TRAPPC3: variants seen among roughly 807,000 people sequenced by gnomAD.
TRAPPC3 encodes the protein trafficking protein particle complex subunit 3.
TRAPPC3 carries 5 observed loss-of-function variants against 18.2 expected under a neutral mutation model. The ratio of observed to expected loss-of-function variants is 0.28; its 90% CI spans 0.14 to 0.58. TRAPPC3 has a LOEUF of 0.58. Among genes scored for constraint, TRAPPC3 ranks in the 20% least tolerant of loss-of-function variants. The probability of loss-of-function intolerance (pLI) is 0.91; values close to 1 mark genes in which losing one functional copy is unlikely to be tolerated. For synonymous variants in TRAPPC3, 65 were observed against 84.2 expected (o/e 0.77, Z 1.25); for missense variants, 176 against 225.9 (o/e 0.78, Z 1.41).
Position 36,136,925 on chromosome 1 carries a change from G to A in TRAPPC3, c.*278C>T, listed in dbSNP as rs1644033422. 3.8e-6 allele frequency: 1 copy of A among 265,974 alleles called. No homozygotes were observed. The highest frequency in any genetic ancestry group is 7.1e-6 in the Non-Finnish European group (1 of 140,192). 16.5% of individuals were successfully genotyped at this position (265,974 alleles called of 1,614,324 possible). ...GCTTTGGAAAAATTCAAACAGGAAT[G>A]TAAAATGGTTTGAGCTCTTTCTAGT... is the stretch of plus-strand genomic sequence containing the variant. On this transcript the variant is annotated 3_prime_UTR_variant, in exon 5 of 5. Coordinates refer to ENST00000373166, the MANE Select transcript of TRAPPC3 (RefSeq NM_014408.5).
upstream of TRAPPC3, among the ~76,000 whole-genome samples, chr1:36,152,301 T>C (rs989681951): frequency 1.0e-4 from 15 of 149,658 alleles, no homozygotes; most frequent in South Asian, 8.4e-4. Flanking sequence ...TTTTCTTTTT[T>C]TTTTTTTTTT....
chr1:36,149,088 T>C (rs1644242892), intron 1 of TRAPPC3: 2 of 1,403,354 alleles, frequency 1.4e-6, no homozygotes, highest in African/African-American at 1.4e-5. Flanking sequence ...TTGGTATTTA[T>C]TACCGTCGTT....
chr1:36,155,392 CA>C (rs1301628882), intron 1 of TRAPPC3, among the ~76,000 whole-genome samples: 2 of 152,122 alleles, frequency 1.3e-5, no homozygotes, highest in Admixed American at 6.6e-5. Context: ...AGGGGGTCAC[CA>C]CCCCCTCATC....
At chr1:36,146,951 G>A (rs987381686) in intron 1 of TRAPPC3, among the ~76,000 whole-genome samples, 2 of 152,170 alleles carry the variant, frequency 1.3e-5, no homozygotes, top group African/African-American at 4.8e-5. Context: ...AGTTACTTGG[G>A]CATACTAACA....
At chr1:36,153,363 C>T (rs1644285438), upstream of TRAPPC3, among the ~76,000 whole-genome samples, 1 of 152,172 alleles carries the variant, frequency 6.6e-6, no homozygotes, top group African/African-American at 2.4e-5. Context: ...GCCTCAATCA[C>T]GGAACACGGG....
At chr1:36,142,814 G>C (rs1017663739) in intron 1 of TRAPPC3, among the ~76,000 whole-genome samples, 3 of 152,120 alleles carry the variant, frequency 2.0e-5, no homozygotes, top group Admixed American at 1.3e-4. Context: ...AGGATCACTC[G>C]AGCCCAGGAA....
At chr1:36,138,104 C>T (rs1473046956) in intron 3 of TRAPPC3, 126 bp from the exon 4 acceptor site, 5 of 1,566,912 alleles carry the variant, frequency 3.2e-6, no homozygotes, top group Admixed American at 3.8e-5. Context: ...TGCAAGATGA[C>T]ACTTCAGATA....
At chr1:36,148,960 G>T in intron 1 of TRAPPC3, 1 of 747,150 alleles carries the variant, frequency 1.3e-6, no homozygotes, top group Non-Finnish European at 1.7e-6. Flanking sequence ...AGCTCTCCAA[G>T]CTGTAAAACG....
upstream of TRAPPC3, chr1:36,149,493 C>A: frequency 1.5e-6 from 2 of 1,376,452 alleles, no homozygotes; most frequent in Non-Finnish European, 2.0e-6. Flanking sequence ...CACTGACTCA[C>A]TGCGCCTGCG....
chr1:36,142,291 G>A (rs1284974106), intron 1 of TRAPPC3, among the ~76,000 whole-genome samples: 1 of 152,186 alleles, frequency 6.6e-6, no homozygotes, highest in East Asian at 1.9e-4. Flanking sequence ...GGAGGGGAAC[G>A]ATTTTTTTAG....
intron 1 of TRAPPC3, among the ~76,000 whole-genome samples, chr1:36,143,431 C>T (rs1644145655): frequency 6.6e-6 from 1 of 152,022 alleles, no homozygotes; most frequent in Non-Finnish European, 1.5e-5. Flanking sequence ...AGACTCTTGG[C>T]CTTAGAGAGG....
At chr1:36,152,926 A>C (rs953228574), upstream of TRAPPC3, among the ~76,000 whole-genome samples, 1 of 152,178 alleles carries the variant, frequency 6.6e-6, no homozygotes, top group Non-Finnish European at 1.5e-5. Flanking sequence ...TGCTGGGATT[A>C]GGCGTGAGCC....
intron 4 of TRAPPC3, 134 bp from the exon 5 acceptor site, chr1:36,137,456 C>T: frequency 1.1e-6 from 1 of 883,964 alleles, no homozygotes; most frequent in South Asian, 1.7e-5. Flanking sequence ...ACAAGATTGA[C>T]AGCGCCAACA....
upstream of TRAPPC3, chr1:36,149,567 A>T (rs1644252439): frequency 1.5e-6 from 1 of 666,702 alleles, no homozygotes; most frequent in Non-Finnish European, 2.6e-6. Context: ...CCGCCCAACA[A>T]ACGTCAGACT....
chr1:36,137,698 G>A (rs1369497273), intron 4 of TRAPPC3, 98 bp downstream of exon 4: 3 of 1,312,860 alleles, frequency 2.3e-6, no homozygotes, highest in East Asian at 2.3e-5. Flanking sequence ...GCGCTGGGGT[G>A]AGCCAAAGCC....
At chr1:36,150,254 G>A (rs982590817), upstream of TRAPPC3, among the ~76,000 whole-genome samples, 2 of 152,178 alleles carry the variant, frequency 1.3e-5, no homozygotes, top group South Asian at 2.1e-4. Context: ...CGCATGCCCA[G>A]CACTTGGGCG....
At chr1:36,145,608 C>A (rs2124164032) in intron 1 of TRAPPC3, among the ~76,000 whole-genome samples, 1 of 152,182 alleles carries the variant, frequency 6.6e-6, no homozygotes, top group South Asian at 2.1e-4. Context: ...AGAGCCAACC[C>A]CCGTACAGGC....
At chr1:36,155,953 T>A (rs1278042093) in exon 1 of TRAPPC3, 1 of 154,024 alleles carries the variant, frequency 6.5e-6, no homozygotes, top group Non-Finnish European at 1.4e-5. Flanking sequence ...GGCGAACTCC[T>A]GGAGCCGTGG....
intron 3 of TRAPPC3, among the ~76,000 whole-genome samples, chr1:36,138,422 T>G (rs1393977690): frequency 1.3e-5 from 2 of 152,068 alleles, no homozygotes; most frequent in Non-Finnish European, 2.9e-5. Flanking sequence ...AGAGAAAAAG[T>G]CCTACCCTAT....
Sources: gnomAD v4.1 joint callset for allele counts (sites outside exome capture counted in the v4.1 genomes callset) on GRCh38, gnomAD v4.1.1 for gene constraint, MANE v1.5 for transcripts, NCBI Gene and HGNC (gene_info 2026-07-23, HGNC 2026-07-21) for gene names.